The following RHEB variants were observed in gnomAD, a reference collection of about 807,000 sequenced individuals.
RHEB encodes GTP-binding protein Rheb.
A neutral mutation model predicts 28.8 loss-of-function variants in RHEB; 2 were observed. The observed-to-expected ratio is 0.07, with a 90% CI of 0.03 to 0.22. The LOEUF (loss-of-function observed/expected upper bound fraction) is 0.22. RHEB is among the 10% of genes least tolerant of loss of function. The pLI is 1.00. For synonymous variants in RHEB, 69 were observed against 77.3 expected, an observed-to-expected ratio of 0.89 and a Z score of 0.56; for missense variants, 76 against 219.9, an observed-to-expected ratio of 0.35 and a Z score of 4.14.
chr7:151,504,314 TGG>T (rs1310362540), intron 1 of RHEB, among the ~76,000 whole-genome samples: 1 of 151,862 alleles, frequency 6.6e-6, no homozygotes, highest in Non-Finnish European at 1.5e-5. Context: ...GCAATTTAAG[TGG>T]GGGGAAAAAA....
chr7:151,494,339 G>C (rs975078283), intron 1 of RHEB, among the ~76,000 whole-genome samples: 2 of 152,196 alleles, frequency 1.3e-5, no homozygotes, highest in Non-Finnish European at 2.9e-5. Flanking sequence ...GGGAGTGAAG[G>C]GACGGGGGAA....
At chr7:151,479,453 T>C (rs191537664) in intron 3 of RHEB, among the ~76,000 whole-genome samples, 38 of 152,190 alleles carry the variant, frequency 2.5e-4, no homozygotes, top group East Asian at 1.5e-3. Flanking sequence ...GAGGCCAAGG[T>C]GGGCAGATCA....
chr7:151,467,607 C>A (rs1802089809), intron 7 of RHEB, among the ~76,000 whole-genome samples: 1 of 152,160 alleles, frequency 6.6e-6, no homozygotes, highest in Non-Finnish European at 1.5e-5. Context: ...CTCCCAGCAG[C>A]CCTTGCCTCT....
intron 7 of RHEB, among the ~76,000 whole-genome samples, chr7:151,469,974 C>A (rs1227835192): frequency 6.6e-6 from 1 of 152,084 alleles, no homozygotes; most frequent in Non-Finnish European, 1.5e-5. Context: ...GGGCGGGAGA[C>A]AAGCTTGGTG....
chr7:151,511,752 T>A (rs1317048280), intron 1 of RHEB, among the ~76,000 whole-genome samples: 1 of 152,042 alleles, frequency 6.6e-6, no homozygotes, highest in African/African-American at 2.4e-5. Flanking sequence ...GTTCAAGTGA[T>A]TCTCCTGCAG....
At chr7:151,498,215 G>T (rs1352600479) in intron 1 of RHEB, 11 of 1,140,622 alleles carry the variant, frequency 9.6e-6, no homozygotes, top group Non-Finnish European at 1.3e-5. Context: ...AGAGTTTAAA[G>T]TACTGGAGGC....
At chr7:151,470,823 C>T (rs1015787936) in intron 6 of RHEB, among the ~76,000 whole-genome samples, 171 bp from the exon 7 acceptor site, 1 of 152,212 alleles carries the variant, frequency 6.6e-6, no homozygotes, top group Admixed American at 6.5e-5. Context: ...GTTTTAATTA[C>T]GCCTGAGCTG....
At chr7:151,474,142 T>A (rs1305098215) in intron 4 of RHEB, among the ~76,000 whole-genome samples, 2 of 151,820 alleles carry the variant, frequency 1.3e-5, no homozygotes, top group African/African-American at 2.4e-5. Context: ...GAGATTGACA[T>A]CACCTTTCCG....
chr7:151,468,036 A>G lies in RHEB; in HGVS notation c.463-825T>C, dbSNP rs1276055927. Among the ~76,000 whole-genome samples the G allele has an allele frequency of 2.0e-5, 3 of 151,990 alleles. No homozygotes were observed. The highest frequency in any genetic ancestry group is 2.9e-5 in the Non-Finnish European group (2 of 67,980). ...GTGACTCCCAGACCCTGTCCTTGAAATGCAGTCCTGTGGTCATGAAAAACT... is the reference window on the plus strand; with the variant it reads ...GTGACTCCCAGACCCTGTCCTTGAAGTGCAGTCCTGTGGTCATGAAAAACT... On this transcript the variant is annotated intron_variant, in intron 7 of 7. Transcript: ENST00000262187. The surrounding 1 kb of genome is among the most constrained non-coding windows in gnomAD (Gnocchi z 4.3).
At chr7:151,479,764 C>T (rs1242662802) in intron 3 of RHEB, among the ~76,000 whole-genome samples, 1 of 150,402 alleles carries the variant, frequency 6.6e-6, no homozygotes, top group Non-Finnish European at 1.5e-5. Context: ...CAAATAAAAA[C>T]CATAAATAAA....
In RHEB at chr7:151,466,528, C is replaced by G. The variant is rs1332055258; in HGVS notation, c.*591G>C. 6.5e-6 allele frequency: 1 copy of G among 153,028 alleles called. No individual in the cohort carries two copies. The highest frequency in any genetic ancestry group is 1.5e-5 in the Non-Finnish European group (1 of 68,614). 9.5% of individuals were successfully genotyped at this position (153,028 alleles called of 1,614,324 possible). A position where few individuals can be genotyped will look rare whatever the true frequency, so the allele number is the denominator to read the frequency against. On this transcript the variant is annotated 3_prime_UTR_variant, in exon 8 of 8. Coordinates refer to ENST00000262187, the MANE Select transcript of RHEB (RefSeq NM_005614.4). ...CAGCTTCAATCAGCTGTAACCCAGC[C>G]CCAACATCTGCAGGCCACTGCGCAG...
rs995128475 is a variant in RHEB at position 151,467,214 on chromosome 7, GAA to G, written c.463-5_463-4del. ...CTTCGAAAAACATCCACAGCAGTCTGAAAAGAGAAAGAAACCCAATCACAGTG... is the reference window on the plus strand; with the variant it reads ...CTTCGAAAAACATCCACAGCAGTCTGAAGAGAAAGAAACCCAATCACAGTG... On this transcript the variant is annotated splice_polypyrimidine_tract_variant and splice_region_variant and intron_variant, in intron 7 of 7. Transcript: ENST00000262187. 1.9e-6 allele frequency: 3 copies of G among 1,606,430 alleles called. No individual in the cohort carries two copies. The highest frequency in any genetic ancestry group is 2.6e-6 in the Non-Finnish European group (3 of 1,173,184).
At chr7:151,499,598 T>C (rs557870260) in intron 1 of RHEB, among the ~76,000 whole-genome samples, 2 of 152,330 alleles carry the variant, frequency 1.3e-5, no homozygotes, top group South Asian at 4.1e-4. Context: ...AGTTATTCAA[T>C]TCTGTACCAC....
intron 3 of RHEB, among the ~76,000 whole-genome samples, chr7:151,481,506 G>A (rs1029622783): frequency 3.3e-5 from 5 of 152,116 alleles, no homozygotes; most frequent in Admixed American, 6.5e-5. Flanking sequence ...ACCAGCCCCC[G>A]TATGCATCCA....
At chr7:151,499,511 CT>C (rs1487774245) in intron 1 of RHEB, among the ~76,000 whole-genome samples, 1 of 152,208 alleles carries the variant, frequency 6.6e-6, no homozygotes, top group Non-Finnish European at 1.5e-5. Flanking sequence ...CAAAATCTCT[CT>C]GCATCATAAT....
chr7:151,479,572 A>G (rs1403572600), intron 3 of RHEB, among the ~76,000 whole-genome samples: 1 of 151,594 alleles, frequency 6.6e-6, no homozygotes, highest in Non-Finnish European at 1.5e-5. Flanking sequence ...AGTCCCAGCT[A>G]CTCAGGAGGC....
chr7:151,480,692 T>A lies in RHEB; in HGVS notation c.193-3277A>T, dbSNP rs561490638. On this transcript the variant is annotated intron_variant, in intron 3 of 7. Coordinates refer to ENST00000262187, the MANE Select transcript of RHEB (RefSeq NM_005614.4). ...ATTTTAATTATTATTAATTATTATT[T>A]TTTTTTTTTGAGACAGAGTTTCACT... 1.8e-3 allele frequency among the ~76,000 whole-genome samples: 280 copies of A among 151,836 alleles called. 2 individuals are homozygous for A. The highest frequency in any genetic ancestry group is 5.4e-3 in the African/African-American group (223 of 41,486).
In RHEB at chr7:151,517,496, T is replaced by A. The variant is rs141516525; in HGVS notation, c.52+1964A>T. Among the ~76,000 whole-genome samples the A allele has an allele frequency of 6.0e-4, 91 of 152,008 alleles. 1 individual carries two copies. The East Asian group carries it at 0.014, about 24-fold the overall frequency. On this transcript the variant is annotated intron_variant, in intron 1 of 7. Transcript: ENST00000262187. ...GGTAGGTTGCAGAAATATGAAATAC[T>A]GAAGACAGAAAATAGGGACTAAAAG...
chr7:151,479,297 G>T (rs765069028), intron 3 of RHEB, among the ~76,000 whole-genome samples: 3 of 152,052 alleles, frequency 2.0e-5, no homozygotes, highest in South Asian at 2.1e-4. Flanking sequence ...TTCACACTTT[G>T]GCAAAAACAT....
Sources: gnomAD v4.1 joint callset for allele counts (sites outside exome capture counted in the v4.1 genomes callset) on GRCh38, gnomAD v4.1.1 for gene constraint, Gnocchi (gnomAD v3.1) non-coding constraint, MANE v1.5 for transcripts, NCBI Gene and HGNC (gene_info 2026-07-23, HGNC 2026-07-21) for gene names.